Variants in BCR observed in about 807,000 individuals in gnomAD.
BCR encodes BCR activator of RhoGEF and GTPase.
BCR carries 58 observed loss-of-function variants against 138.6 expected under a neutral mutation model. The ratio of observed to expected loss-of-function variants is 0.42; its 90% CI spans 0.34 to 0.52. The LOEUF (loss-of-function observed/expected upper bound fraction) is 0.52, where lower values mean the gene tolerates loss of function less well. Among genes scored for constraint, BCR ranks in the 20% least tolerant of loss-of-function variants. The pLI, the probability that BCR is intolerant of heterozygous loss-of-function variation, is 0.06. For missense variants in BCR, 1,599 were observed against 1,727.2 expected (o/e 0.93, Z 1.32); for synonymous variants, 786 against 730.1 (o/e 1.08, Z -1.23).
In BCR at chr22:23,287,296, C is replaced by T. The variant is rs1157758741; in HGVS notation, c.2526+18C>T. The T allele has an allele frequency of 2.4e-5, 36 of 1,522,634 alleles. No individual in the cohort carries two copies. Among genetic ancestry groups the T allele is most frequent in the Middle Eastern group, 1.8e-4 (1 of 5,658 alleles). 94.3% of individuals were successfully genotyped at this position (1,522,634 alleles called of 1,614,324 possible). ...ACGGCAAGGTGAGCGCCTGCTGTTC[C>T]GGCCCCTCCTGCTCTCCTGGCCTGG... On this transcript the variant is annotated intron_variant, in intron 11 of 22. Coordinates refer to ENST00000305877, the MANE Select transcript of BCR (RefSeq NM_004327.4).
intron 8 of BCR, among the ~76,000 whole-genome samples, chr22:23,281,431 A>G (rs1488533230): frequency 3.3e-5 from 5 of 152,214 alleles, no homozygotes; most frequent in Non-Finnish European, 5.9e-5. Flanking sequence ...TGCTGATCTC[A>G]AGGCCAACTG....
chr22:23,251,077 C>T (rs1178465405), intron 1 of BCR: 1 of 152,296 alleles, frequency 6.6e-6, no homozygotes, highest in African/African-American at 2.4e-5. Context: ...TGTTGAGGGA[C>T]TTGGTGGGTG....
In BCR at chr22:23,311,830, G is replaced by A. The variant is rs879255379; in HGVS notation, c.3316G>A (p.Asp1106Asn). 3.1e-6 allele frequency: 5 copies of A among 1,611,692 alleles called. No individual in the cohort carries two copies. The highest frequency in any genetic ancestry group is 1.7e-5 in the Admixed American group (1 of 60,020). ...CATCCAGGCACTGAAGGCAGCCTTC[G>A]ACGTCAGTGAGTGTTGGCCTGCGCA... ...TDIQALKAAF[D>N]VNNKDVSVMM... Residue 1106 changes from aspartate (D) to asparagine (N), a missense_variant, in exon 19 of 23, where the codon GAC (aspartate) becomes AAC (asparagine). By Grantham distance (23) the Asp-to-Asn change is conservative. Transcript: ENST00000305877.
intron 1 of BCR, among the ~76,000 whole-genome samples, chr22:23,252,536 T>C (rs2146266372): frequency 6.7e-6 from 1 of 149,256 alleles, no homozygotes; most frequent in African/African-American, 2.5e-5. Flanking sequence ...GTTCAAGCGA[T>C]TCTCCTGCCT....
chr22:23,263,839 C>T, intron 4 of BCR: 2 of 1,084,290 alleles, frequency 1.8e-6, no homozygotes, highest in Non-Finnish European at 2.9e-6. Flanking sequence ...TGTTTATACA[C>T]CATCCAGACT....
intron 16 of BCR, among the ~76,000 whole-genome samples, chr22:23,298,357 T>C (rs574162916): frequency 6.6e-6 from 1 of 152,166 alleles, no homozygotes; most frequent in Admixed American, 6.5e-5. Context: ...CTTGCAAAAT[T>C]TGGGCTCCTG....
chr22:23,242,678 C>T (rs2073106745), intron 1 of BCR: 1 of 258,018 alleles, frequency 3.9e-6, no homozygotes. Flanking sequence ...GCCCTTCCAG[C>T]CCTCTCCTGG....
At position 23,181,894 on chromosome 22, in the gene BCR, C is replaced by T; in HGVS notation, c.934C>T (p.Pro312Ser). 1.2e-6 allele frequency: 2 copies of T among 1,613,432 alleles called. No homozygotes were observed. The highest frequency in any genetic ancestry group is 8.5e-7 in the Non-Finnish European group (1 of 1,179,928). The change falls in exon 1 of 23, where the codon CCC (proline) becomes TCC (serine). Residue 312 changes from proline (P) to serine (S), a missense_variant. This residue lies in a region of BCR where 806 missense variants were observed against 635.0 expected (regional missense o/e 1.27). Transcript: ENST00000305877. Reference protein sequence around the residue: ...TSEQEKRLTWPRRSYSPRSFE... With the variant: ...TSEQEKRLTWSRRSYSPRSFE... Reference sequence around the variant, plus strand: ...TGAGCAGGAGAAGCGCCTTACCTGGCCCCGCAGGTCCTACTCCCCCCGGAG... The same window carrying T: ...TGAGCAGGAGAAGCGCCTTACCTGGTCCCGCAGGTCCTACTCCCCCCGGAG...
At chr22:23,233,435 T>C (rs1485091698) in intron 1 of BCR, among the ~76,000 whole-genome samples, 1 of 152,118 alleles carries the variant, frequency 6.6e-6, no homozygotes, top group African/African-American at 2.4e-5. Context: ...GTGGTGTATG[T>C]GTAAAATGCC....
At chr22:23,266,173 C>T (rs2073438645) in intron 4 of BCR, among the ~76,000 whole-genome samples, 1 of 152,140 alleles carries the variant, frequency 6.6e-6, no homozygotes, top group South Asian at 2.1e-4. Flanking sequence ...CAACCTCTGC[C>T]TCCTGGGTTC....
rs1207108548 is a variant in BCR at position 23,180,904 on chromosome 22, C to A, written c.-57C>A. On this transcript the variant is annotated 5_prime_UTR_variant, in exon 1 of 23. Transcript: ENST00000305877. ...GGGCCGGGCTGGCGAGGCGCCGCGC[C>A]GCCGCTGAGACGGGCCCCGCGCGCA... is the stretch of plus-strand genomic sequence containing the variant. 1.4e-5 allele frequency: 14 copies of A among 1,018,938 alleles called. No homozygotes were observed. Among genetic ancestry groups the A allele is most frequent in the South Asian group, 4.5e-5 (1 of 22,354 alleles). The allele number at this position is 1,018,938 out of a possible 1,614,324, so 63.1% of individuals were successfully genotyped here.
intron 4 of BCR, chr22:23,263,987 C>CT (rs1298865926): frequency 1.0e-5 from 9 of 896,402 alleles, no homozygotes; most frequent in Non-Finnish European, 1.5e-5. Context: ...TGGACAGAGA[C>CT]TTTCCCCCAA....
At chr22:23,287,973 AC>A (rs908861982) in intron 11 of BCR, 123 bp from the exon 12 acceptor site, 1 of 898,728 alleles carries the variant, frequency 1.1e-6, no homozygotes, top group African/African-American at 1.6e-5. Flanking sequence ...CCGTGAGCAC[AC>A]CTGGCCACTG....
intron 1 of BCR, among the ~76,000 whole-genome samples, chr22:23,204,188 A>G (rs1336724420): frequency 1.3e-5 from 2 of 152,308 alleles, no homozygotes; most frequent in Middle Eastern, 3.4e-3. Flanking sequence ...ACTAGGAGCC[A>G]GCAGTTCAGT....
At position 23,273,859 on chromosome 22, in the gene BCR, C is replaced by A; in HGVS notation, c.2115+85C>A. The A allele has an allele frequency of 1.0e-5, 16 of 1,559,526 alleles. No individual in the cohort carries two copies. The South Asian group carries it at 1.8e-4, about 18-fold the overall frequency. On this transcript the variant is annotated intron_variant, in intron 8 of 22. Coordinates refer to ENST00000305877, the MANE Select transcript of BCR (RefSeq NM_004327.4). ...GCCCCTCGATCTGAGGTCTGGAGCC[C>A]TTCCTGGTCCTCAGCAGACCTTGCC...
chr22:23,259,814 C>T (rs1276674086), intron 2 of BCR, among the ~76,000 whole-genome samples: 3 of 152,118 alleles, frequency 2.0e-5, no homozygotes, highest in Non-Finnish European at 2.9e-5. Context: ...AGACATTGAG[C>T]CTGGACCCCC....
intron 12 of BCR, 128 bp from the exon 13 acceptor site, chr22:23,289,389 C>T (rs1424840121): frequency 2.7e-6 from 2 of 736,340 alleles, no homozygotes; most frequent in Middle Eastern, 2.5e-4. Context: ...CTCTCCTGAG[C>T]CCCCAAGCCC....
At chr22:23,223,191 C>G (rs867594381) in intron 1 of BCR, among the ~76,000 whole-genome samples, 53 of 152,308 alleles carry the variant, frequency 3.5e-4, no homozygotes, top group African/African-American at 1.2e-3. Flanking sequence ...AGTATTAAGT[C>G]CATAGCACAA....
At chr22:23,235,440 A>G (rs1253923190) in intron 1 of BCR, among the ~76,000 whole-genome samples, 2 of 144,520 alleles carry the variant, frequency 1.4e-5, no homozygotes, top group African/African-American at 4.9e-5. Context: ...CTGGGGCACA[A>G]TGTTAGGAGT....
Sources: allele counts gnomAD v4.1 joint callset (sites outside exome capture counted in the v4.1 genomes callset), GRCh38; gene constraint gnomAD v4.1.1; regional missense constraint gnomAD v4.1.1; transcripts MANE v1.5; gene names NCBI Gene and HGNC (gene_info 2026-07-23, HGNC 2026-07-21).